The following CATSPERG variants were observed in gnomAD, a reference collection of about 807,000 sequenced individuals.
The protein encoded by CATSPERG is catsper channel auxiliary subunit gamma, also known as cation channel sperm-associated auxiliary subunit gamma.
A neutral mutation model predicts 145.0 loss-of-function variants in CATSPERG; 115 were observed. The observed-to-expected ratio is 0.79, with a 90% CI of 0.68 to 0.93. CATSPERG has a LOEUF of 0.93. Among genes scored for constraint, CATSPERG ranks in the 40% least tolerant of loss-of-function variants. CATSPERG has a pLI of 0.00. For missense variants in CATSPERG, 1,296 were observed against 1,490.1 expected (o/e 0.87, Z 2.14); for synonymous variants, 588 against 589.0 (o/e 1.00, Z 0.02).
chr19:38,344,856 G>GACACACACACACACACAC lies in CATSPERG; in HGVS notation c.669+498_669+515dup, dbSNP rs34101460. Among the ~76,000 whole-genome samples the GACACACACACACACACAC allele has an allele frequency of 1.0e-3, 92 of 92,336 alleles. 1 individual carries two copies. Among genetic ancestry groups the GACACACACACACACACAC allele is most frequent in the Admixed American group, 5.0e-3 (34 of 6,868 alleles). 60.6% of individuals were successfully genotyped at this position (92,336 alleles called of 152,430 possible). ...ATATGTATATACCTGTACATGAACAGACACACACACACACACACACACACA... is the reference window on the plus strand; with the variant it reads ...ATATGTATATACCTGTACATGAACAGACACACACACACACACACACACACACACACACACACACACACA... On this transcript the variant is annotated intron_variant, in intron 6 of 28. Transcript: ENST00000409235.
rs1187542874 is a variant in CATSPERG, at chr19:38,337,309, G to A, written c.75G>A (p.Leu25=). The A allele has an allele frequency of 1.4e-5, 21 of 1,551,204 alleles. No homozygotes were observed. The Admixed American group carries it at 4.1e-4, about 30-fold the overall frequency. Residue 25 remains leucine (L), a synonymous_variant, in exon 2 of 29, where the codon CTG becomes CTA. Transcript: ENST00000409235. ...GAGTCGTGCAGGTGCTGTGGGCCCT[G>A]CTGGCAGTGCTCCTGGCGTCGTGGA... ...RVRVVQVLWA[L]LAVLLASWRL...
chr19:38,358,218 G>C (rs1970280943), intron 11 of CATSPERG, 60 bp from the exon 12 acceptor site: 6 of 1,566,610 alleles, frequency 3.8e-6, no homozygotes, highest in Admixed American at 3.4e-5. Flanking sequence ...ACTTGCTCCA[G>C]CTCCAGGTTT....
intron 7 of CATSPERG, 111 bp downstream of exon 7, chr19:38,346,716 TC>T: frequency 1.0e-6 from 1 of 965,342 alleles, no homozygotes; most frequent in Non-Finnish European, 1.4e-6. Flanking sequence ...GACATATCTG[TC>T]CCCATGAGAG....
chr19:38,352,413 TGA>T lies in CATSPERG; in HGVS notation c.983_984del (p.Arg328LysfsTer26). On this transcript the variant is annotated frameshift_variant, in exon 8 of 29. Coordinates refer to ENST00000409235, the MANE Select transcript of CATSPERG (RefSeq NM_021185.5). LOFTEE classifies it high-confidence loss of function. Reference protein sequence around the residue: ...YFTGTYTTLYERNRGSGSWIR... With the variant: ...YFTGTYTTLYXRNRGSGSWIR... ...TTACAGGCACCTATACCACACTCTA[TGA>T]GAGAAACCGCGGCAGTGGTGAGTGT... 6.4e-7 allele frequency: 1 copy of T among 1,551,380 alleles called. No individual in the cohort carries two copies. Among genetic ancestry groups the T allele is most frequent in the Non-Finnish European group, 8.7e-7 (1 of 1,147,024 alleles).
chr19:38,345,393 C>T (rs1970023848), intron 6 of CATSPERG, among the ~76,000 whole-genome samples: 1 of 151,992 alleles, frequency 6.6e-6, no homozygotes, highest in African/African-American at 2.4e-5. Context: ...AGGGTTTTAC[C>T]ATGTTGCCAG....
chr19:38,356,419 T>C, intron 9 of CATSPERG, 65 bp from the exon 10 acceptor site: 1 of 1,509,834 alleles, frequency 6.6e-7, no homozygotes, highest in Non-Finnish European at 9.2e-7. Context: ...GCAATCGGAG[T>C]TGGCTTGATG....
At chr19:38,360,688 G>C in intron 15 of CATSPERG, 41 bp downstream of exon 15, 1 of 1,614,040 alleles carries the variant, frequency 6.2e-7, no homozygotes, top group Non-Finnish European at 8.5e-7. Flanking sequence ...GGCACCCCAG[G>C]AGGGCTGACC....
rs374763660 is a variant in CATSPERG at position 38,367,213 on chromosome 19, G to A, written c.2671G>A (p.Asp891Asn). The A allele has an allele frequency of 2.0e-5, 32 of 1,613,782 alleles. No individual in the cohort carries two copies. The highest frequency in any genetic ancestry group is 2.5e-5 in the Non-Finnish European group (29 of 1,179,960). Residue 891 changes from aspartate to asparagine, a missense_variant, in exon 23 of 29, where the codon GAC becomes AAC. Transcript: ENST00000409235. ...GCPPGKRLAF[D>N]ITYTLEYSRL... ...CCCCCCAGGCAAGCGCCTGGCCTTC[G>A]ACATCACCTACACGCTGGAATACAG...
At chr19:38,341,267 T>A (rs1568371132) in intron 3 of CATSPERG, among the ~76,000 whole-genome samples, 2 of 152,166 alleles carry the variant, frequency 1.3e-5, no homozygotes, top group Admixed American at 1.3e-4. Flanking sequence ...ACTGGCTCCC[T>A]CCTGTTGTTG....
At chr19:38,364,136 C>A (rs1448908254) in intron 20 of CATSPERG, among the ~76,000 whole-genome samples, 2 of 151,128 alleles carry the variant, frequency 1.3e-5, no homozygotes, top group South Asian at 2.1e-4. Flanking sequence ...GCTGGCCTGG[C>A]GGGGGCTGAC....
chr19:38,343,535 A>G, intron 3 of CATSPERG, 45 bp from the exon 4 acceptor site: 1 of 1,496,172 alleles, frequency 6.7e-7, no homozygotes, highest in Non-Finnish European at 9.0e-7. Flanking sequence ...GGGGGCACCC[A>G]GAGGCTACCA....
At chr19:38,341,381 A>T (rs1257627365) in intron 3 of CATSPERG, among the ~76,000 whole-genome samples, 1 of 152,180 alleles carries the variant, frequency 6.6e-6, no homozygotes, top group Non-Finnish European at 1.5e-5. Flanking sequence ...TGTCATCCTC[A>T]CAGGAAGGAG....
At position 38,336,711 on chromosome 19, in the gene CATSPERG, G is replaced by A. The variant is rs892424759; in HGVS notation, c.-14-510G>A. ...GCGATCGCAGGCAGAAGCAGTACGG[G>A]GGAACTTAAGAGGGGGACTGTCAAA... On this transcript the variant is annotated intron_variant, in intron 1 of 28. Coordinates refer to ENST00000409235, the MANE Select transcript of CATSPERG (RefSeq NM_021185.5). 4.6e-5 allele frequency: 12 copies of A among 258,880 alleles called. No individual in the cohort carries two copies. In the East Asian group the frequency reaches 6.4e-4, roughly 14 times the overall value. The allele number at this position is 258,880 out of a possible 1,614,324, so 16.0% of individuals were successfully genotyped here. A position where few individuals can be genotyped will look rare whatever the true frequency, so the allele number is the denominator to read the frequency against.
In CATSPERG at chr19:38,361,672, C is replaced by CT; in HGVS notation, c.1905_1906insT (p.Asp636Ter). 6.2e-7 allele frequency: 1 copy of CT among 1,611,326 alleles called. No individual in the cohort carries two copies. Among genetic ancestry groups the CT allele is most frequent in the Admixed American group, 1.7e-5 (1 of 59,952 alleles). On this transcript the variant is annotated frameshift_variant, in exon 17 of 29. Coordinates refer to ENST00000409235, the MANE Select transcript of CATSPERG (RefSeq NM_021185.5). LOFTEE classifies it high-confidence loss of function. ...GGGGCTACTTGATGCTCTCCTTCAT[C>CT]GACTTCTGCCCCTTCTCGGTGATGC... is the stretch of plus-strand genomic sequence containing the variant.
In CATSPERG at chr19:38,356,787, ATACTC is replaced by A; in HGVS notation, c.1246_1250del (p.Leu416AlafsTer9). The A allele has an allele frequency of 6.2e-7, 1 of 1,614,192 alleles. No homozygotes were observed. The highest frequency in any genetic ancestry group is 8.5e-7 in the Non-Finnish European group (1 of 1,180,026). On this transcript the variant is annotated frameshift_variant, in exon 11 of 29. Transcript: ENST00000409235. LOFTEE classifies it high-confidence loss of function. ...TGGTCTGAATACATCGCGGGTGAGT[ATACTC>A]TACTGCTGCTGGTGGAGAGTGGATA...
rs796292378 is a variant in CATSPERG, at chr19:38,352,385, A to G, written c.950A>G (p.Tyr317Cys). 1 of 1,550,896 alleles carries G rather than the reference A, an allele frequency of 6.4e-7. No individual in the cohort carries two copies. The change falls in exon 8 of 29, where the codon TAT (tyrosine) becomes TGT (cysteine). Residue 317 changes from tyrosine to cysteine, a missense_variant. Transcript: ENST00000409235. ...LFIRQNQLVY[Y>C]FTGTYTTLYE... The stretch of plus-strand genomic sequence containing the variant: ...ATTCGGCAGAACCAGCTGGTCTACT[A>G]TTTTACAGGCACCTATACCACACTC...
rs1250809645 is a variant in CATSPERG at position 38,367,684 on chromosome 19, T to C, written c.2838T>C (p.Tyr946=). 3.7e-6 allele frequency: 6 copies of C among 1,613,916 alleles called. No homozygotes were observed. In the African/African-American group the frequency reaches 5.3e-5, roughly 14 times the overall value. ...TGTGCACTTCTGTCCCTGGTAGCTA[T>C]GTTCTGCTGGTGGTGGGTGGCGGGC... ...TGDSGSFQGS[Y]VLLVVGGGPT... is the part of the protein sequence containing the mutation. The change falls in exon 25 of 29, where the codon TAT becomes TAC. Residue 946 remains tyrosine, a synonymous_variant. Transcript: ENST00000409235.
At chr19:38,341,774 T>C (rs1243010388) in intron 3 of CATSPERG, among the ~76,000 whole-genome samples, 1 of 152,028 alleles carries the variant, frequency 6.6e-6, no homozygotes, top group Non-Finnish European at 1.5e-5. Flanking sequence ...TGGTGGCGCA[T>C]GCCTGTAATC....
Position 38,362,764 on chromosome 19 carries a change from G to C in CATSPERG, c.2407G>C (p.Asp803His), listed in dbSNP as rs1970373138. The change falls in exon 20 of 29, where the codon GAC becomes CAC. Residue 803 changes from aspartate to histidine, a missense_variant. Physicochemically the swap from Asp to His is moderately conservative, Grantham distance 81. Transcript: ENST00000409235. ...SQVDVGVVLA[D>H]PGCIEASVKQ... is the part of the protein sequence containing the mutation. ...GGTGGACGTGGGCGTGGTGCTGGCC[G>C]ACCCCGGCTGCATCGAGGCCTCGGT... 2 of 1,614,148 alleles carry C rather than the reference G, an allele frequency of 1.2e-6. No homozygotes were observed. The highest frequency in any genetic ancestry group is 1.7e-6 in the Non-Finnish European group (2 of 1,180,016).
Sources: gnomAD v4.1 joint callset for allele counts (sites outside exome capture counted in the v4.1 genomes callset) on GRCh38, gnomAD v4.1.1 for gene constraint, MANE v1.5 for transcripts, NCBI Gene and HGNC (gene_info 2026-07-23, HGNC 2026-07-21) for gene names.